Variants in LARP1B observed in about 807,000 individuals in gnomAD.
LARP1B encodes la-related protein 1B.
A neutral mutation model predicts 114.2 loss-of-function variants in LARP1B; 76 were observed. That is an observed-to-expected ratio of 0.67 (90% CI 0.55 to 0.81). The LOEUF (loss-of-function observed/expected upper bound fraction) is 0.81, where lower values mean the gene tolerates loss of function less well. LARP1B is among the 30% of genes least tolerant of loss of function. The probability of loss-of-function intolerance (pLI) is 0.00; values close to 1 mark genes in which losing one functional copy is unlikely to be tolerated. For missense variants in LARP1B, 1,014 were observed against 1,075.8 expected (o/e 0.94, Z 0.80); for synonymous variants, 345 against 348.0 (o/e 0.99, Z 0.10).
rs1044233689 is a variant in LARP1B, at chr4:128,065,333, T to C, written c.-78+3932T>C. Reference sequence around the variant, plus strand: ...TCTTTCTTTCTCTCTCTCTCTCTCTTTCCTTTCTTTTCTTTTCTTTTCTTT... The same window carrying C: ...TCTTTCTTTCTCTCTCTCTCTCTCTCTCCTTTCTTTTCTTTTCTTTTCTTT... On this transcript the variant is annotated intron_variant, in intron 1 of 19. Coordinates refer to ENST00000326639, the MANE Select transcript of LARP1B (RefSeq NM_018078.4). Among the ~76,000 whole-genome samples, 473 of 129,044 alleles carry C rather than the reference T, an allele frequency of 3.7e-3. 3 individuals are homozygous for C. The highest frequency in any genetic ancestry group is 0.013 in the African/African-American group (378 of 30,236). The allele number at this position is 129,044 out of a possible 152,430, so 84.7% of individuals were successfully genotyped here. A position where few individuals can be genotyped will look rare whatever the true frequency, so the allele number is the denominator to read the frequency against.
intron 1 of LARP1B, chr4:128,069,044 G>T: frequency 1.0e-6 from 1 of 965,508 alleles, no homozygotes; most frequent in Non-Finnish European, 1.6e-6. Flanking sequence ...GGAGAGTATT[G>T]CGCCTTCTCC....
At chr4:128,065,507 A>G (rs1348825700) in intron 1 of LARP1B, among the ~76,000 whole-genome samples, 2 of 151,772 alleles carry the variant, frequency 1.3e-5, no homozygotes, top group Non-Finnish European at 2.9e-5. Context: ...CTATTTTCTT[A>G]AGCAAATTTA....
At chr4:128,137,606 T>C (rs1725930515) in intron 11 of LARP1B, among the ~76,000 whole-genome samples, 1 of 152,008 alleles carries the variant, frequency 6.6e-6, no homozygotes, top group Non-Finnish European at 1.5e-5. Context: ...TGTATATATT[T>C]ATGGGATACA....
intron 3 of LARP1B, among the ~76,000 whole-genome samples, 159 bp downstream of exon 3, chr4:128,075,152 A>G (rs1000521981): frequency 1.3e-5 from 2 of 152,038 alleles, no homozygotes; most frequent in African/African-American, 4.8e-5. Flanking sequence ...TCCAGGCTGG[A>G]GTGCAGTGGT....
chr4:128,107,278 A>C lies in LARP1B; in HGVS notation c.953A>C (p.Glu318Ala), dbSNP rs772085851. 12 of 1,614,044 alleles carry C rather than the reference A, an allele frequency of 7.4e-6. No individual in the cohort carries two copies. Among genetic ancestry groups the C allele is most frequent in the Non-Finnish European group, 9.3e-6 (11 of 1,180,018 alleles). The change falls in exon 9 of 20, where the codon GAG (glutamate) becomes GCG (alanine). Residue 318 changes from glutamate to alanine, a missense_variant. By Grantham distance (107) the Glu-to-Ala change is moderately radical. Transcript: ENST00000326639. ...TDFSQLIDCP[E>A]FVPGQAFCSH... ...TTCTCTCAACTGATTGATTGTCCAG[A>C]GTTTGTACCAGGCCAAGCCTTTTGC...
chr4:128,130,193 A>AT (rs1791122411), intron 11 of LARP1B, among the ~76,000 whole-genome samples: 1 of 152,074 alleles, frequency 6.6e-6, no homozygotes, highest in Non-Finnish European at 1.5e-5. Flanking sequence ...TCTACGAAAA[A>AT]TTTTTTTAAA....
intron 4 of LARP1B, among the ~76,000 whole-genome samples, chr4:128,081,958 ACTC>A (rs1237243885): frequency 6.6e-6 from 1 of 151,526 alleles, no homozygotes; most frequent in Non-Finnish European, 1.5e-5. Context: ...CTGGTCTTGA[ACTC>A]CTGGCCTCAA....
At chr4:128,140,221 A>G (rs566858427) in intron 11 of LARP1B, among the ~76,000 whole-genome samples, 2 of 152,324 alleles carry the variant, frequency 1.3e-5, no homozygotes, top group South Asian at 4.1e-4. Flanking sequence ...AGATGTGTTC[A>G]CCAGGAGCAG....
Position 128,222,181 on chromosome 4 carries a change from C to G in LARP1B, n.935-168C>G, listed in dbSNP as rs1192334199. 2.0e-5 allele frequency among the ~76,000 whole-genome samples: 3 copies of G among 152,276 alleles called. No individual in the cohort carries two copies. The East Asian group carries it at 5.8e-4, about 29-fold the overall frequency. ...TGCCCTTGTGGTGGTTCACTGACTT[C>G]CATGTGAGAAGTAGTAGAGTTGCTT... On this transcript the variant is annotated intron_variant and non_coding_transcript_variant, in intron 7 of 7. Coordinates refer to the LARP1B transcript ENST00000503725.
At chr4:128,098,841 G>A (rs1464248853) in intron 8 of LARP1B, among the ~76,000 whole-genome samples, 3 of 135,218 alleles carry the variant, frequency 2.2e-5, no homozygotes, top group Non-Finnish European at 4.7e-5. Flanking sequence ...GCAGTGGCAT[G>A]ATATCGGCTC....
At chr4:128,130,184 C>T (rs895485741) in intron 11 of LARP1B, among the ~76,000 whole-genome samples, 2 of 151,944 alleles carry the variant, frequency 1.3e-5, no homozygotes, top group South Asian at 4.1e-4. Context: ...GAGACTGTCT[C>T]TACGAAAAAT....
chr4:128,206,906 G>A (rs1757762248), intron 18 of LARP1B: 1 of 869,744 alleles, frequency 1.1e-6, no homozygotes, highest in Non-Finnish European at 1.4e-6. Context: ...AGACTGCTAG[G>A]TGCAAATTCC....
intron 11 of LARP1B, among the ~76,000 whole-genome samples, chr4:128,155,180 C>A (rs1734896562): frequency 1.3e-5 from 2 of 152,212 alleles, no homozygotes; most frequent in Admixed American, 6.5e-5. Flanking sequence ...AAACAAAAAC[C>A]AAAATTAGGC....
intron 5 of LARP1B, among the ~76,000 whole-genome samples, chr4:128,083,652 C>T (rs1397713361): frequency 5.8e-5 from 6 of 103,850 alleles, no homozygotes; most frequent in Non-Finnish European, 1.0e-4. Context: ...CCGGACGGGG[C>T]GGCTGGCCAG....
intron 8 of LARP1B, among the ~76,000 whole-genome samples, chr4:128,105,934 T>C (rs556627849): frequency 3.9e-5 from 6 of 152,068 alleles, no homozygotes; most frequent in East Asian, 3.9e-4. Flanking sequence ...TGCCCAGTTA[T>C]GGAAAATATA....
chr4:128,062,312 G>A (rs993766112), intron 1 of LARP1B: 2 of 979,970 alleles, frequency 2.0e-6, no homozygotes, highest in African/African-American at 1.7e-5. Context: ...CGGGCACCAG[G>A]CCCGGGTAAC....
intron 5 of LARP1B, among the ~76,000 whole-genome samples, chr4:128,090,560 A>G (rs912537674): frequency 6.6e-6 from 1 of 152,174 alleles, no homozygotes; most frequent in African/African-American, 2.4e-5. Context: ...CGCTTCAGAT[A>G]TCTTTTCTCA....
intron 15 of LARP1B, among the ~76,000 whole-genome samples, chr4:128,179,995 T>C (rs945853320): frequency 1.1e-4 from 17 of 152,126 alleles, no homozygotes; most frequent in Non-Finnish European, 2.1e-4. Context: ...AGAAAATTAA[T>C]TAAAAAAAGA....
At chr4:128,160,027 G>A (rs752028548) in intron 11 of LARP1B, among the ~76,000 whole-genome samples, 2 of 152,232 alleles carry the variant, frequency 1.3e-5, no homozygotes, top group African/African-American at 4.8e-5. Context: ...GTAGGATAGA[G>A]CAAGGGTAGA....
Sources: allele counts gnomAD v4.1 joint callset (sites outside exome capture counted in the v4.1 genomes callset), GRCh38; gene constraint gnomAD v4.1.1; transcripts MANE v1.5; gene names NCBI Gene and HGNC (gene_info 2026-07-23, HGNC 2026-07-21).